The following SANBR variants were observed in gnomAD, a reference collection of about 807,000 sequenced individuals.
SANBR encodes the protein SANT and BTB domain regulator of CSR.
A neutral mutation model predicts 101.8 loss-of-function variants in SANBR; 77 were observed. The ratio of observed to expected loss-of-function variants is 0.76; its 90% CI spans 0.63 to 0.91. The LOEUF is 0.91. SANBR is among the 40% of genes least tolerant of loss of function. SANBR has a pLI of 0.00. For synonymous variants in SANBR, 279 were observed against 274.7 expected, an observed-to-expected ratio of 1.02 and a Z score of -0.15; for missense variants, 875 against 853.0, an observed-to-expected ratio of 1.03 and a Z score of -0.32.
intron 12 of SANBR, among the ~76,000 whole-genome samples, chr2:61,099,940 A>G (rs1683205154): frequency 1.3e-5 from 2 of 152,266 alleles, no homozygotes; most frequent in Non-Finnish European, 2.9e-5. Flanking sequence ...GTGAAGAGCT[A>G]TTTTGGTGGA....
In SANBR at chr2:61,109,290, A is replaced by G. The variant is rs1407228510; in HGVS notation, c.1738A>G (p.Lys580Glu). The stretch of plus-strand genomic sequence containing the variant: ...TGGAGATGAAGAAGAAGTATCCAAG[A>G]AACAAAGTATTGGTTTATAAGTTAA... The part of the protein sequence containing the change: ...EVGDEEEVSK[K>E]QRKKEKPKKF... The change falls in exon 16 of 22, where the codon AAA becomes GAA. Residue 580 changes from lysine (K) to glutamate (E), a missense_variant. Lys to Glu is a moderately conservative substitution (Grantham distance 56, BLOSUM62 1). Transcript: ENST00000402291. The G allele has an allele frequency of 1.3e-6, 2 of 1,542,084 alleles. No homozygotes were observed. The highest frequency in any genetic ancestry group is 1.8e-5 in the Admixed American group (1 of 56,794).
chr2:61,106,447 C>T, intron 13 of SANBR, 116 bp from the exon 14 acceptor site: 1 of 494,556 alleles, frequency 2.0e-6, no homozygotes, highest in Non-Finnish European at 3.7e-6. Context: ...TATCCTTATA[C>T]TCAGGAACTG....
At chr2:61,129,006 A>G (rs1432282736), downstream of SANBR, among the ~76,000 whole-genome samples, 3 of 152,220 alleles carry the variant, frequency 2.0e-5, no homozygotes, top group African/African-American at 7.2e-5. Flanking sequence ...CAAAGTGCTC[A>G]AAGAAAAATC....
At chr2:61,121,459 A>T (rs1186896583) in intron 21 of SANBR, 183 bp downstream of exon 21, 21 of 458,918 alleles carry the variant, frequency 4.6e-5, no homozygotes, top group Non-Finnish European at 8.4e-5. Context: ...ATCTAATGAA[A>T]ATATAGCTTT....
intron 6 of SANBR, among the ~76,000 whole-genome samples, chr2:61,080,196 C>CA (rs57117097): frequency 0.25 from 28,351 of 113,148 alleles, 3,559 homozygotes; most frequent in Middle Eastern, 0.33. Flanking sequence ...AACTTTGTCT[C>CA]AAAAAAAAAA....
Position 61,088,503 on chromosome 2 carries a change from G to GTATA in SANBR, c.1088+48_1088+51dup, listed in dbSNP as rs371063167. ...AGATAAAATACATACATGTATTTTT[G>GTATA]TATATATATATATATAGTTGTTGTT... On this transcript the variant is annotated intron_variant, in intron 10 of 21. Transcript: ENST00000402291. The GTATA allele has an allele frequency of 8.1e-5, 91 of 1,129,202 alleles. 1 individual carries two copies. Among genetic ancestry groups the GTATA allele is most frequent in the Middle Eastern group, 2.6e-4 (1 of 3,814 alleles). 69.9% of individuals were successfully genotyped at this position (1,129,202 alleles called of 1,614,324 possible).
At chr2:61,070,532 A>C in intron 3 of SANBR, 32 bp downstream of exon 3, 1 of 1,584,880 alleles carries the variant, frequency 6.3e-7, no homozygotes, top group Non-Finnish European at 8.6e-7. Context: ...ATATCTCCTG[A>C]AAATGTTCAG....
intron 3 of SANBR, among the ~76,000 whole-genome samples, chr2:61,071,188 A>G (rs1177603076): frequency 6.6e-6 from 1 of 152,232 alleles, no homozygotes; most frequent in Non-Finnish European, 1.5e-5. Flanking sequence ...ATTTGCTTAC[A>G]AAAAGTAATT....
Position 61,123,843 on chromosome 2 carries a change from G to A in SANBR, c.*1681G>A, listed in dbSNP as rs768577269. The A allele has an allele frequency of 4.2e-6, 4 of 962,688 alleles. No homozygotes were observed. The highest frequency in any genetic ancestry group is 9.6e-5 in the South Asian group (2 of 20,804). 59.6% of individuals were successfully genotyped at this position (962,688 alleles called of 1,614,324 possible). A position where few individuals can be genotyped will look rare whatever the true frequency, so the allele number is the denominator to read the frequency against. On this transcript the variant is annotated 3_prime_UTR_variant, in exon 22 of 22. Transcript: ENST00000402291. ...GTAGTGGCTCACGCCAGTAATCCCAGCACTTTGGGAGGCCGAGGCGGGCAG... is the reference window on the plus strand; with the variant it reads ...GTAGTGGCTCACGCCAGTAATCCCAACACTTTGGGAGGCCGAGGCGGGCAG...
In SANBR at chr2:61,073,444, T is replaced by C. The variant is rs1266941335; in HGVS notation, c.338-14T>C. On this transcript the variant is annotated splice_polypyrimidine_tract_variant and intron_variant, in intron 4 of 21. Coordinates refer to ENST00000402291, the MANE Select transcript of SANBR (RefSeq NM_001129993.3). ...ACCTTTTTTTTTTTGTATGTGTTTG[T>C]TTCTGTATTTAAGGAAGACATAGTA... is the stretch of plus-strand genomic sequence containing the variant. The C allele has an allele frequency of 7.3e-7, 1 of 1,378,990 alleles. No individual in the cohort carries two copies. The highest frequency in any genetic ancestry group is 1.0e-6 in the Non-Finnish European group (1 of 996,844). 85.4% of individuals were successfully genotyped at this position (1,378,990 alleles called of 1,614,324 possible).
chr2:61,115,240 T>C (rs1008752339), intron 16 of SANBR, among the ~76,000 whole-genome samples: 1 of 152,138 alleles, frequency 6.6e-6, no homozygotes, highest in African/African-American at 2.4e-5. Flanking sequence ...ATTCAAGTTT[T>C]CTATTGCCTC....
At chr2:61,112,329 C>CT (rs1433398597) in intron 16 of SANBR, among the ~76,000 whole-genome samples, 1 of 152,010 alleles carries the variant, frequency 6.6e-6, no homozygotes, top group Non-Finnish European at 1.5e-5. Context: ...ATTTATATAT[C>CT]TTTTTTATGA....
chr2:61,116,036 C>A lies in SANBR; in HGVS notation c.1802C>A (p.Pro601His), dbSNP rs1343305991. 6.2e-7 allele frequency: 1 copy of A among 1,611,118 alleles called. No individual in the cohort carries two copies. Among genetic ancestry groups the A allele is most frequent in the African/African-American group, 1.3e-5 (1 of 74,670 alleles). The change falls in exon 17 of 22, where the codon CCC becomes CAC. Residue 601 changes from proline to histidine, a missense_variant. Transcript: ENST00000402291. ...CAACCAAAAAAGCAGGTATCTTCAC[C>A]CTGTGCCCAGAGGAAAGAAAAGGCA... ...TRQPKKQVSS[P>H]CAQRKEKALE...
intron 11 of SANBR, chr2:61,094,180 G>A (rs1682914595): frequency 9.0e-6 from 4 of 446,104 alleles, no homozygotes; most frequent in East Asian, 1.6e-4. Flanking sequence ...CTTTTTGTGA[G>A]TTTCGACAGT....
At chr2:61,087,925 A>G (rs1682529480) in intron 8 of SANBR, among the ~76,000 whole-genome samples, 1 of 151,966 alleles carries the variant, frequency 6.6e-6, no homozygotes, top group Non-Finnish European at 1.5e-5. Flanking sequence ...CTTATTTTTT[A>G]TGGGAAAATA....
At chr2:61,098,474 A>G (rs544610174) in intron 12 of SANBR, among the ~76,000 whole-genome samples, 4 of 152,116 alleles carry the variant, frequency 2.6e-5, no homozygotes, top group Admixed American at 6.6e-5. Context: ...TTTTTACTCA[A>G]CAACATAACT....
At chr2:61,108,176 C>A in intron 14 of SANBR, 141 bp from the exon 15 acceptor site, 1 of 468,934 alleles carries the variant, frequency 2.1e-6, no homozygotes, top group Non-Finnish European at 3.8e-6. Context: ...TCACTTTCAG[C>A]CTGAGTTTTA....
At chr2:61,092,330 G>A (rs1195561657) in intron 10 of SANBR, 134 bp from the exon 11 acceptor site, 3 of 544,398 alleles carry the variant, frequency 5.5e-6, no homozygotes, top group Non-Finnish European at 8.4e-6. Flanking sequence ...GTTACAGTGA[G>A]CCAAGATCAT....
chr2:61,122,645 C>T lies in SANBR; in HGVS notation c.*483C>T. 2 of 986,628 alleles carry T rather than the reference C, an allele frequency of 2.0e-6. No individual in the cohort carries two copies. The highest frequency in any genetic ancestry group is 2.4e-6 in the Non-Finnish European group (2 of 830,734). The allele number at this position is 986,628 out of a possible 1,614,324, so 61.1% of individuals were successfully genotyped here. Reference sequence around the variant, plus strand: ...CCCAATGATGCTAATTTTAAGTCTGCATGAATATTAAGGAGTGACAGGTCT... The same window carrying T: ...CCCAATGATGCTAATTTTAAGTCTGTATGAATATTAAGGAGTGACAGGTCT... On this transcript the variant is annotated 3_prime_UTR_variant, in exon 22 of 22. Transcript: ENST00000402291.
Sources: allele counts gnomAD v4.1 joint callset (sites outside exome capture counted in the v4.1 genomes callset), GRCh38; gene constraint gnomAD v4.1.1; transcripts MANE v1.5; gene names NCBI Gene and HGNC (gene_info 2026-07-23, HGNC 2026-07-21).